The following SHANK2 variants were observed in gnomAD, a reference collection of about 807,000 sequenced individuals.
SHANK2 encodes the protein SH3 and multiple ankyrin repeat domains protein 2.
SHANK2 carries 43 observed loss-of-function variants against 133.7 expected under a neutral mutation model. The ratio of observed to expected loss-of-function variants is 0.32; its 90% CI spans 0.25 to 0.41. SHANK2 has a LOEUF of 0.41. SHANK2 is among the 10% of genes least tolerant of loss of function. The probability of loss-of-function intolerance (pLI) is 1.00; values close to 1 mark genes in which losing one functional copy is unlikely to be tolerated. For missense variants in SHANK2, 1,994 were observed against 2,235.8 expected (o/e 0.89, Z 2.18); for synonymous variants, 1,017 against 952.8 (o/e 1.07, Z -1.24).
intron 17 of SHANK2, among the ~76,000 whole-genome samples, chr11:70,609,147 C>A (rs1235664749): frequency 1.3e-5 from 2 of 152,210 alleles, no homozygotes; most frequent in African/African-American, 4.8e-5. Context: ...AGGGCCTGGC[C>A]GGCTCCCACC....
At chr11:70,824,931 TCAAA>T (rs1486578657) in intron 11 of SHANK2, among the ~76,000 whole-genome samples, 1 of 152,072 alleles carries the variant, frequency 6.6e-6, no homozygotes, top group African/African-American at 2.4e-5. Context: ...AGCCAAAATC[TCAAA>T]CAGACACAGC....
At position 70,788,201 on chromosome 11, in the gene SHANK2, T is replaced by C. The variant is rs1023786561; in HGVS notation, c.1777+10242A>G. 4.6e-5 allele frequency among the ~76,000 whole-genome samples: 7 copies of C among 152,198 alleles called. No individual in the cohort carries two copies. The South Asian group carries it at 8.3e-4, about 18-fold the overall frequency. ...AGGACAGGTCCCCCACCAGGGCCAT[T>C]GTGGATGAGGACTTTCCTCATTGTG... On this transcript the variant is annotated intron_variant, in intron 14 of 25. Transcript: ENST00000601538.
At chr11:70,863,303 C>A (rs1555068185) in intron 11 of SHANK2, 3 of 457,942 alleles carry the variant, frequency 6.6e-6, no homozygotes, top group South Asian at 3.1e-5. Context: ...AGCACCAGAA[C>A]CTGAGCTGAT....
chr11:70,721,573 T>C (rs1463475374), intron 14 of SHANK2, among the ~76,000 whole-genome samples: 1 of 152,198 alleles, frequency 6.6e-6, no homozygotes, highest in Non-Finnish European at 1.5e-5. Flanking sequence ...GGCACCACTT[T>C]GTGAGCAGCG....
chr11:70,518,563 CTT>C (rs1308274289), intron 17 of SHANK2, among the ~76,000 whole-genome samples: 1 of 152,220 alleles, frequency 6.6e-6, no homozygotes, highest in African/African-American at 2.4e-5. Flanking sequence ...CCCCATTCCT[CTT>C]TTATCCCTTT....
intron 3 of SHANK2, among the ~76,000 whole-genome samples, chr11:71,142,169 G>A (rs1239365046): frequency 6.6e-6 from 1 of 152,158 alleles, no homozygotes; most frequent in African/African-American, 2.4e-5. Context: ...AAATTAGAAC[G>A]GGTCTAACTG....
At chr11:70,774,616 G>A (rs1664189) in intron 14 of SHANK2, among the ~76,000 whole-genome samples, 5 of 152,084 alleles carry the variant, frequency 3.3e-5, no homozygotes, top group African/African-American at 1.2e-4. Flanking sequence ...TGCCTGGTTG[G>A]GAGTGAATTC....
intron 17 of SHANK2, among the ~76,000 whole-genome samples, chr11:70,545,554 C>A (rs782009973): frequency 6.6e-6 from 1 of 152,190 alleles, no homozygotes; most frequent in Non-Finnish European, 1.5e-5. Context: ...AGCACCGTCT[C>A]CCTAAGGCCA....
chr11:71,085,252 T>C (rs1004248440), intron 8 of SHANK2, among the ~76,000 whole-genome samples: 83 of 151,450 alleles, frequency 5.5e-4, no homozygotes, highest in Non-Finnish European at 1.0e-3. Context: ...AGGTCAGGAG[T>C]TCGAGACAAG....
chr11:70,573,383 C>T (rs1424019293), intron 17 of SHANK2, among the ~76,000 whole-genome samples: 1 of 148,206 alleles, frequency 6.7e-6, no homozygotes, highest in Admixed American at 6.8e-5. Flanking sequence ...TTGACCTTGG[C>T]GATGGTTTCC....
chr11:70,929,663 T>C (rs1295400182), intron 10 of SHANK2, among the ~76,000 whole-genome samples: 1 of 152,168 alleles, frequency 6.6e-6, no homozygotes, highest in African/African-American at 2.4e-5. Flanking sequence ...ATAAGGACCC[T>C]TGTGATAACA....
At chr11:70,497,423 G>A (rs536321528) in intron 21 of SHANK2, among the ~76,000 whole-genome samples, 4 of 152,190 alleles carry the variant, frequency 2.6e-5, no homozygotes, top group Admixed American at 6.5e-5. Flanking sequence ...TGAATTGTTC[G>A]GTGACAGAAA....
chr11:71,094,160 G>A (rs1277000941), intron 7 of SHANK2, among the ~76,000 whole-genome samples: 4 of 152,042 alleles, frequency 2.6e-5, no homozygotes, highest in Admixed American at 1.3e-4. Context: ...TCATGGGGGC[G>A]GATTCTCAGG....
At chr11:70,636,463 G>C (rs1431257224) in intron 17 of SHANK2, among the ~76,000 whole-genome samples, 1 of 151,976 alleles carries the variant, frequency 6.6e-6, no homozygotes, top group Non-Finnish European at 1.5e-5. Flanking sequence ...GCACGTGTGA[G>C]CATCTGTGTA....
At chr11:70,692,175 T>C (rs1945303473) in intron 15 of SHANK2, among the ~76,000 whole-genome samples, 1 of 152,090 alleles carries the variant, frequency 6.6e-6, no homozygotes, top group Non-Finnish European at 1.5e-5. Context: ...GGAGGAAGAA[T>C]GAGGGAAATC....
intron 11 of SHANK2, among the ~76,000 whole-genome samples, chr11:70,834,567 C>T (rs1325019192): frequency 6.6e-6 from 1 of 152,186 alleles, no homozygotes; most frequent in Non-Finnish European, 1.5e-5. Flanking sequence ...CCCACCAGAT[C>T]CAAAATAGCA....
chr11:71,252,987 G>A (rs1260670807), upstream of SHANK2, among the ~76,000 whole-genome samples: 1 of 152,244 alleles, frequency 6.6e-6, no homozygotes, highest in Non-Finnish European at 1.5e-5. This position sits in a 1 kb window ranked among gnomAD's most constrained non-coding sequence, Gnocchi z 6.3. Context: ...TGGAAATAGA[G>A]GCTGCCTGCA....
At chr11:70,568,645 T>TCCCCCC (rs1565137385) in intron 17 of SHANK2, among the ~76,000 whole-genome samples, 2 of 48,378 alleles carry the variant, frequency 4.1e-5, no homozygotes, top group Non-Finnish European at 9.8e-5. Flanking sequence ...AGCGGATTCC[T>TCCCCCC]GCCCCCCCCG....
intron 17 of SHANK2, among the ~76,000 whole-genome samples, chr11:70,540,844 A>AG (rs1554975047): frequency 8.0e-6 from 1 of 125,260 alleles, no homozygotes; most frequent in Non-Finnish European, 1.5e-5. Context: ...GTAAGACTCA[A>AG]AAAAAAAAAA....
Sources: gnomAD v4.1 joint callset for allele counts (sites outside exome capture counted in the v4.1 genomes callset) on GRCh38, gnomAD v4.1.1 for gene constraint, Gnocchi (gnomAD v3.1) non-coding constraint, MANE v1.5 for transcripts, NCBI Gene and HGNC (gene_info 2026-07-23, HGNC 2026-07-21) for gene names.